Variants in MS4A4E observed in about 807,000 individuals in gnomAD.
The protein encoded by MS4A4E is membrane spanning 4-domains A4E, also known as putative membrane-spanning 4-domains subfamily A member 4E.
In MS4A4E, 23 loss-of-function variants were observed where a neutral mutation model predicts 13.3. That is an observed-to-expected ratio of 1.73 (90% CI 1.25 to 2.45). MS4A4E has a LOEUF of 2.45. Ranked by LOEUF, MS4A4E falls within the 30% of genes most tolerant of loss-of-function variation. The pLI is 0.00. For missense variants in MS4A4E, 144 were observed against 131.2 expected, an observed-to-expected ratio of 1.10 and a Z score of -0.48; for synonymous variants, 36 against 45.6, an observed-to-expected ratio of 0.79 and a Z score of 0.85.
At chr11:60,214,405 C>G (rs1027041605) in intron 4 of MS4A4E, among the ~76,000 whole-genome samples, 166 bp downstream of exon 4, 1 of 152,162 alleles carries the variant, frequency 6.6e-6, no homozygotes, top group Non-Finnish European at 1.5e-5. Flanking sequence ...GTCAGTAATT[C>G]TATCATTAGC....
At chr11:60,236,400 A>C (rs1452667299) in intron 1 of MS4A4E, among the ~76,000 whole-genome samples, 2 of 152,122 alleles carry the variant, frequency 1.3e-5, no homozygotes, top group Non-Finnish European at 2.9e-5. Flanking sequence ...TAATATTACC[A>C]TCTTACCAAT....
At chr11:60,232,897 G>T (rs1262864911) in intron 1 of MS4A4E, among the ~76,000 whole-genome samples, 1 of 152,226 alleles carries the variant, frequency 6.6e-6, no homozygotes, top group African/African-American at 2.4e-5. Flanking sequence ...CCATGGAACT[G>T]CTCCATGCCC....
At chr11:60,221,641 G>A (rs1422422304) in intron 3 of MS4A4E, among the ~76,000 whole-genome samples, 1 of 152,204 alleles carries the variant, frequency 6.6e-6, no homozygotes, top group African/African-American at 2.4e-5. Flanking sequence ...ACTTTGCTTG[G>A]AAGGAGAAAT....
Position 60,201,059 on chromosome 11 carries a change from G to A in MS4A4E, c.*484C>T, listed in dbSNP as rs549023445. On this transcript the variant is annotated 3_prime_UTR_variant, in exon 9 of 9. Coordinates refer to ENST00000651255, the MANE Select transcript of MS4A4E (RefSeq NM_001393391.1). Reference sequence around the variant, plus strand: ...CCTCCCAGACGTGGTGGCTGGCCGGGTGGGGGGCTGAACCCCCCACCTCCC... The same window carrying A: ...CCTCCCAGACGTGGTGGCTGGCCGGATGGGGGGCTGAACCCCCCACCTCCC... Among the ~76,000 whole-genome samples, 318 of 145,454 alleles carry A rather than the reference G, an allele frequency of 2.2e-3. 1 individual carries two copies. Among genetic ancestry groups the A allele is most frequent in the Non-Finnish European group, 4.1e-3 (271 of 65,770 alleles).
chr11:60,235,413 C>A (rs1163726579), intron 1 of MS4A4E, among the ~76,000 whole-genome samples: 1 of 152,190 alleles, frequency 6.6e-6, no homozygotes, highest in Non-Finnish European at 1.5e-5. Context: ...AGATTTTTAA[C>A]ACGGACAAAG....
intron 3 of MS4A4E, among the ~76,000 whole-genome samples, chr11:60,225,620 A>G (rs1233443850): frequency 1.3e-5 from 2 of 152,226 alleles, no homozygotes; most frequent in East Asian, 3.8e-4. Context: ...CAAAAAATTA[A>G]AACAACTTAT....
At chr11:60,240,198 C>G (rs1446721368) in intron 1 of MS4A4E, among the ~76,000 whole-genome samples, 1 of 152,186 alleles carries the variant, frequency 6.6e-6, no homozygotes, top group African/African-American at 2.4e-5. Context: ...AATGTCCTTT[C>G]TTGGTAGAAG....
At chr11:60,238,043 T>C (rs2084506133) in intron 1 of MS4A4E, among the ~76,000 whole-genome samples, 1 of 151,854 alleles carries the variant, frequency 6.6e-6, no homozygotes, top group African/African-American at 2.4e-5. Context: ...TTTGTCCTCA[T>C]ATATAATCTT....
intron 1 of MS4A4E, among the ~76,000 whole-genome samples, chr11:60,242,195 T>G (rs948518418): frequency 6.6e-6 from 1 of 152,124 alleles, no homozygotes; most frequent in African/African-American, 2.4e-5. Context: ...GAACCAAGAA[T>G]TCTGGGTTTT....
chr11:60,228,745 T>C, intron 2 of MS4A4E, 118 bp from the exon 3 acceptor site: 1 of 499,194 alleles, frequency 2.0e-6, no homozygotes, highest in Admixed American at 3.5e-5. Flanking sequence ...CAATGAAATA[T>C]TATTCAGTAC....
intron 3 of MS4A4E, among the ~76,000 whole-genome samples, chr11:60,220,614 A>G (rs1255887462): frequency 6.6e-6 from 1 of 152,210 alleles, no homozygotes; most frequent in Admixed American, 6.5e-5. Flanking sequence ...TAGCAAGCAC[A>G]CTGGACTTAT....
chr11:60,240,211 C>T (rs2084531688), intron 1 of MS4A4E, among the ~76,000 whole-genome samples: 1 of 152,156 alleles, frequency 6.6e-6, no homozygotes. Flanking sequence ...GGTAGAAGGC[C>T]CAACAATTAG....
At chr11:60,236,510 G>T (rs1388266660) in intron 1 of MS4A4E, among the ~76,000 whole-genome samples, 1 of 151,672 alleles carries the variant, frequency 6.6e-6, no homozygotes, top group African/African-American at 2.4e-5. Flanking sequence ...CAAGTCTTGT[G>T]CTTATTTTGA....
intron 3 of MS4A4E, among the ~76,000 whole-genome samples, chr11:60,219,841 T>C (rs2084245594): frequency 6.6e-6 from 1 of 152,182 alleles, no homozygotes; most frequent in South Asian, 2.1e-4. Context: ...ATTGTGATCC[T>C]CCAGTTATAG....
chr11:60,203,102 T>C (rs2084004783), intron 8 of MS4A4E, among the ~76,000 whole-genome samples: 2 of 152,246 alleles, frequency 1.3e-5, no homozygotes, highest in African/African-American at 4.8e-5. Flanking sequence ...GACACACTTA[T>C]CTGTTTCTTT....
At chr11:60,219,603 G>T (rs1027914213) in intron 3 of MS4A4E, among the ~76,000 whole-genome samples, 1 of 152,144 alleles carries the variant, frequency 6.6e-6, no homozygotes, top group Non-Finnish European at 1.5e-5. Flanking sequence ...CCATTTTACA[G>T]ACCCAGAACC....
At chr11:60,214,638 G>A (rs756774117) in intron 3 of MS4A4E, 24 bp from the exon 4 acceptor site, 10 of 1,471,308 alleles carry the variant, frequency 6.8e-6, no homozygotes, top group South Asian at 6.5e-5. Context: ...ATAAGAATGA[G>A]AGAAAAAAAT....
At chr11:60,236,213 G>T (rs1273604136) in intron 1 of MS4A4E, among the ~76,000 whole-genome samples, 1 of 152,128 alleles carries the variant, frequency 6.6e-6, no homozygotes, top group Admixed American at 6.5e-5. Flanking sequence ...TAGCTTCGTA[G>T]TAAGTTTTGA....
At chr11:60,210,602 T>C (rs959348014) in intron 5 of MS4A4E, among the ~76,000 whole-genome samples, 1 of 152,260 alleles carries the variant, frequency 6.6e-6, no homozygotes, top group Non-Finnish European at 1.5e-5. Context: ...TTCTGGCCTC[T>C]TTAATAATTA....
Sources: gnomAD v4.1 joint callset for allele counts (sites outside exome capture counted in the v4.1 genomes callset) on GRCh38, gnomAD v4.1.1 for gene constraint, MANE v1.5 for transcripts, NCBI Gene and HGNC (gene_info 2026-07-23, HGNC 2026-07-21) for gene names.